The following ST3GAL6 variants were observed in gnomAD, a reference collection of about 807,000 sequenced individuals.
The protein encoded by ST3GAL6 is type 2 lactosamine alpha-2,3-sialyltransferase.
In ST3GAL6, 31 loss-of-function variants were observed where a neutral mutation model predicts 40.5. The ratio of observed to expected loss-of-function variants is 0.77; its 90% CI spans 0.58 to 1.03. ST3GAL6 has a LOEUF of 1.03. Ranked by LOEUF, ST3GAL6 falls within the 50% of genes least tolerant of loss-of-function variation. The pLI, the probability that ST3GAL6 is intolerant of heterozygous loss-of-function variation, is 0.00. For missense variants in ST3GAL6, 357 were observed against 393.2 expected (o/e 0.91, Z 0.78); for synonymous variants, 129 against 136.9 (o/e 0.94, Z 0.40).
chr3:98,784,201 A>AT (rs2107309225), intron 5 of ST3GAL6, among the ~76,000 whole-genome samples: 1 of 152,278 alleles, frequency 6.6e-6, no homozygotes, highest in East Asian at 1.9e-4. Flanking sequence ...GACACAGTCT[A>AT]TTTTGTCATT....
At chr3:98,750,963 C>T (rs1000301480) in intron 1 of ST3GAL6, among the ~76,000 whole-genome samples, 16 of 152,106 alleles carry the variant, frequency 1.1e-4, no homozygotes, top group African/African-American at 3.6e-4. Context: ...ATTTAAGCTT[C>T]CCCAGGTGTA....
At chr3:98,743,464 C>A (rs1222959577) in intron 1 of ST3GAL6, among the ~76,000 whole-genome samples, 4 of 152,176 alleles carry the variant, frequency 2.6e-5, no homozygotes, top group African/African-American at 9.7e-5. Flanking sequence ...CTGTGTAACT[C>A]CTCCCAGATA....
intron 3 of ST3GAL6, among the ~76,000 whole-genome samples, chr3:98,771,520 T>C (rs1312366823): frequency 1.3e-5 from 2 of 152,246 alleles, no homozygotes; most frequent in Admixed American, 1.3e-4. Context: ...CTGGTCAAAA[T>C]GCTCTAGATA....
chr3:98,763,532 G>C, intron 1 of ST3GAL6, 93 bp downstream of exon 1: 1 of 1,172,758 alleles, frequency 8.5e-7, no homozygotes, highest in South Asian at 1.3e-5. Flanking sequence ...CCCACAGGCT[G>C]TGTGGAGGTA....
chr3:98,734,836 A>G (rs1476838421), intron 1 of ST3GAL6, among the ~76,000 whole-genome samples: 1 of 152,228 alleles, frequency 6.6e-6, no homozygotes, highest in African/African-American at 2.4e-5. Context: ...TGGATTTCAC[A>G]GCAGTTTTCT....
chr3:98,765,928 G>A (rs373675471), intron 1 of ST3GAL6, among the ~76,000 whole-genome samples: 4 of 152,236 alleles, frequency 2.6e-5, no homozygotes, highest in South Asian at 4.1e-4. Flanking sequence ...ATTTGTGGAA[G>A]CTTTTTCCTG....
intron 1 of ST3GAL6, among the ~76,000 whole-genome samples, chr3:98,743,984 C>A (rs1936344639): frequency 6.7e-6 from 1 of 148,564 alleles, no homozygotes; most frequent in African/African-American, 2.5e-5. Context: ...AGAGTCATGG[C>A]AGATGTAATT....
intron 1 of ST3GAL6, among the ~76,000 whole-genome samples, chr3:98,734,386 A>C (rs1184986125): frequency 6.6e-6 from 1 of 152,294 alleles, no homozygotes; most frequent in East Asian, 1.9e-4. Context: ...AGTAAGGCCA[A>C]ATTCCACAGA....
chr3:98,770,891 G>A lies in ST3GAL6; in HGVS notation c.102G>A (p.Val34=). 6.2e-7 allele frequency: 1 copy of A among 1,614,034 alleles called. No homozygotes were observed. The highest frequency in any genetic ancestry group is 8.5e-7 in the Non-Finnish European group (1 of 1,179,962). ...TTTTGTCTCATAGGGTGGCACCTGT[G>A]GAAATGAAACGGAGAAATAAGATCC... The part of the protein sequence containing the change: ...WGTNVYWVAP[V]EMKRRNKIQP... The change falls in exon 3 of 10, where the codon GTG becomes GTA. Residue 34 remains valine (V), a synonymous_variant. Transcript: ENST00000483910.
rs1193019375 is a variant in ST3GAL6, at chr3:98,795,310, TG to T, written c.*1550del. ...CTCTCTAAAGAGGGTGTATAAAGGG[TG>T]AAATACATTAGATTTGGCTCAGAAA... On this transcript the variant is annotated 3_prime_UTR_variant, in exon 10 of 10. Transcript: ENST00000483910. 1 of 152,126 alleles carries T rather than the reference TG, an allele frequency of 6.6e-6. No homozygotes were observed. The highest frequency in any genetic ancestry group is 1.5e-5 in the Non-Finnish European group (1 of 68,022). The allele number at this position is 152,126 out of a possible 1,614,324, so 9.4% of individuals were successfully genotyped here. A position where few individuals can be genotyped will look rare whatever the true frequency, so the allele number is the denominator to read the frequency against.
chr3:98,784,801 C>T (rs190607462), intron 5 of ST3GAL6, 144 bp from the exon 6 acceptor site: 63 of 626,740 alleles, frequency 1.0e-4, no homozygotes, highest in East Asian at 9.3e-4. Context: ...TAATACAGCT[C>T]TAGACTTGTA....
At chr3:98,792,966 T>TATC in intron 9 of ST3GAL6, among the ~76,000 whole-genome samples, 1 of 152,312 alleles carries the variant, frequency 6.6e-6, no homozygotes, top group South Asian at 2.1e-4. Context: ...TATATGGATA[T>TATC]ATCTCATGAA....
intron 2 of ST3GAL6, among the ~76,000 whole-genome samples, chr3:98,769,644 C>T (rs1190838743): frequency 6.6e-6 from 1 of 152,110 alleles, no homozygotes; most frequent in Non-Finnish European, 1.5e-5. Flanking sequence ...TTGAAGTGAC[C>T]ATGTCACTCC....
upstream of ST3GAL6, chr3:98,763,316 T>A: frequency 3.9e-6 from 5 of 1,288,704 alleles, no homozygotes; most frequent in Non-Finnish European, 5.1e-6. Flanking sequence ...TTGGCCATGT[T>A]CCACACAGTC....
At chr3:98,745,991 G>A (rs182842310) in intron 1 of ST3GAL6, among the ~76,000 whole-genome samples, 49 of 152,226 alleles carry the variant, frequency 3.2e-4, no homozygotes, top group African/African-American at 1.2e-3. Flanking sequence ...AGATTTCATG[G>A]CATGTGATAG....
At chr3:98,767,848 GTGA>G (rs1264957265) in intron 1 of ST3GAL6, among the ~76,000 whole-genome samples, 10 of 152,186 alleles carry the variant, frequency 6.6e-5, no homozygotes, top group Admixed American at 4.6e-4. Flanking sequence ...TACCTGAACT[GTGA>G]TGTGGAAAAA....
chr3:98,755,810 A>AT (rs1553711983), intron 1 of ST3GAL6, among the ~76,000 whole-genome samples: 59 of 43,776 alleles, frequency 1.3e-3, no homozygotes, highest in South Asian at 4.3e-3. Flanking sequence ...GATTTTTTTC[A>AT]TTTTTTTTTT....
intron 1 of ST3GAL6, among the ~76,000 whole-genome samples, chr3:98,733,183 G>A (rs1176933862): frequency 6.6e-6 from 1 of 152,220 alleles, no homozygotes; most frequent in Non-Finnish European, 1.5e-5. Flanking sequence ...AGGAGGTGGC[G>A]TGCGGAGGCG....
chr3:98,772,996 G>A, intron 4 of ST3GAL6, 80 bp downstream of exon 4: 1 of 850,600 alleles, frequency 1.2e-6, no homozygotes, highest in Non-Finnish European at 1.9e-6. Context: ...TAATTTTAAG[G>A]GCTTTTATTC....
Sources: gnomAD v4.1 joint callset for allele counts (sites outside exome capture counted in the v4.1 genomes callset) on GRCh38, gnomAD v4.1.1 for gene constraint, MANE v1.5 for transcripts, NCBI Gene and HGNC (gene_info 2026-07-23, HGNC 2026-07-21) for gene names.